OXR1: variants seen among roughly 807,000 people sequenced by gnomAD.
The protein encoded by OXR1 is oxidation resistance 1, also known as oxidation resistance protein 1.
OXR1 carries 41 observed loss-of-function variants against 104.6 expected under a neutral mutation model. The observed-to-expected ratio is 0.39, with a 90% CI of 0.31 to 0.51. The LOEUF (loss-of-function observed/expected upper bound fraction) is 0.51. OXR1 is among the 20% of genes least tolerant of loss of function. The pLI, the probability that OXR1 is intolerant of heterozygous loss-of-function variation, is 0.77. For missense variants in OXR1, 955 were observed against 1,031.9 expected, an observed-to-expected ratio of 0.93 and a Z score of 1.02; for synonymous variants, 348 against 348.4, an observed-to-expected ratio of 1.00 and a Z score of 0.01.
chr8:106,674,607 A>G (rs1050400484), intron 3 of OXR1, among the ~76,000 whole-genome samples: 2 of 152,074 alleles, frequency 1.3e-5, no homozygotes, highest in African/African-American at 4.8e-5. Flanking sequence ...GGGAGGGGCC[A>G]GGGGCAGAAT....
At chr8:106,275,423 A>C (rs1461611933) in intron 1 of OXR1, among the ~76,000 whole-genome samples, 1 of 152,174 alleles carries the variant, frequency 6.6e-6, no homozygotes, top group Non-Finnish European at 1.5e-5. Context: ...TGGTAGTTAG[A>C]GGAAGCAGAA....
intron 2 of OXR1, among the ~76,000 whole-genome samples, chr8:106,434,170 A>T (rs190086169): frequency 6.6e-6 from 1 of 152,118 alleles, no homozygotes; most frequent in African/African-American, 2.4e-5. Context: ...AATGTTACCC[A>T]TGATTAAATT....
intron 15 of OXR1, among the ~76,000 whole-genome samples, chr8:106,745,198 C>G (rs1049063643): frequency 6.6e-6 from 1 of 151,950 alleles, no homozygotes; most frequent in Non-Finnish European, 1.5e-5. Flanking sequence ...GGTAAAACAC[C>G]CATAAAAGGT....
intron 2 of OXR1, among the ~76,000 whole-genome samples, chr8:106,488,505 A>G (rs1810849390): frequency 6.6e-6 from 1 of 152,166 alleles, no homozygotes; most frequent in African/African-American, 2.4e-5. Context: ...GCCCATGGCT[A>G]TGTCCTGAAT....
At chr8:106,399,812 G>T (rs996100901) in intron 2 of OXR1, among the ~76,000 whole-genome samples, 11 of 152,150 alleles carry the variant, frequency 7.2e-5, no homozygotes, top group Non-Finnish European at 1.5e-5. Context: ...GTAAAGTCAG[G>T]TTTGAACTCA....
chr8:106,416,245 G>A (rs944595154), intron 2 of OXR1, among the ~76,000 whole-genome samples: 28 of 152,230 alleles, frequency 1.8e-4, no homozygotes, highest in Middle Eastern at 6.8e-3. Flanking sequence ...CATGGGATCA[G>A]ATCACGGCTA....
intron 2 of OXR1, among the ~76,000 whole-genome samples, chr8:106,516,693 T>G (rs1812885333): frequency 6.6e-6 from 1 of 152,208 alleles, no homozygotes; most frequent in African/African-American, 2.4e-5. Flanking sequence ...ATCTTCATTG[T>G]AAATGAATAC....
intron 2 of OXR1, among the ~76,000 whole-genome samples, chr8:106,404,727 A>G (rs1298813622): frequency 2.0e-5 from 3 of 150,932 alleles, no homozygotes; most frequent in Non-Finnish European, 4.4e-5. Context: ...TTTTTTTGAG[A>G]CAGAGTCTCA....
chr8:106,628,188 G>A (rs1367891096), intron 3 of OXR1, among the ~76,000 whole-genome samples: 2 of 152,018 alleles, frequency 1.3e-5, no homozygotes, highest in Non-Finnish European at 2.9e-5. Context: ...TGTTTTCTGT[G>A]TCCTTTTCCC....
chr8:106,728,489 G>C (rs558962456), intron 11 of OXR1, among the ~76,000 whole-genome samples: 3 of 152,024 alleles, frequency 2.0e-5, no homozygotes, highest in Non-Finnish European at 4.4e-5. Context: ...TGTTTTATAA[G>C]TGAGTTAATT....
chr8:106,534,105 G>C (rs960587834), intron 3 of OXR1, among the ~76,000 whole-genome samples: 113 of 152,092 alleles, frequency 7.4e-4, no homozygotes, highest in Non-Finnish European at 1.1e-3. Context: ...AATGTGCACG[G>C]GGGATCTTAC....
At chr8:106,649,070 T>C (rs1824321682) in intron 3 of OXR1, among the ~76,000 whole-genome samples, 1 of 152,096 alleles carries the variant, frequency 6.6e-6, no homozygotes, top group Admixed American at 6.6e-5. Context: ...TTGGGTGTGA[T>C]AGCATGTGCC....
At chr8:106,393,256 C>A (rs2130449913) in intron 2 of OXR1, among the ~76,000 whole-genome samples, 1 of 152,280 alleles carries the variant, frequency 6.6e-6, no homozygotes, top group East Asian at 1.9e-4. Context: ...TAAGTCAACA[C>A]AAATTTCCTA....
At chr8:106,454,683 C>A (rs2130627729) in intron 2 of OXR1, among the ~76,000 whole-genome samples, 1 of 152,122 alleles carries the variant, frequency 6.6e-6, no homozygotes, top group South Asian at 2.1e-4. Context: ...TATTAATTGT[C>A]TTATTCGTGG....
intron 2 of OXR1, among the ~76,000 whole-genome samples, chr8:106,433,778 A>G (rs951229467): frequency 6.6e-6 from 1 of 152,320 alleles, no homozygotes; most frequent in Non-Finnish European, 1.5e-5. Context: ...CACACAGTTT[A>G]TTGATCCATT....
At chr8:106,533,891 T>G (rs923225494) in intron 3 of OXR1, among the ~76,000 whole-genome samples, 3 of 152,026 alleles carry the variant, frequency 2.0e-5, no homozygotes, top group Non-Finnish European at 2.9e-5. Context: ...TTGAATTTTT[T>G]TAGTAGAGAC....
chr8:106,669,226 A>G, intron 3 of OXR1, among the ~76,000 whole-genome samples: 1 of 152,210 alleles, frequency 6.6e-6, no homozygotes, highest in East Asian at 1.9e-4. Context: ...AAGCCCATCA[A>G]ATTTGCCATT....
intron 2 of OXR1, among the ~76,000 whole-genome samples, chr8:106,518,249 T>A (rs1417049422): frequency 6.6e-6 from 1 of 152,206 alleles, no homozygotes; most frequent in African/African-American, 2.4e-5. Flanking sequence ...CAAGGGCCAA[T>A]AGTAAATTGG....
At chr8:106,500,461 A>G (rs1435834905) in intron 2 of OXR1, among the ~76,000 whole-genome samples, 1 of 152,206 alleles carries the variant, frequency 6.6e-6, no homozygotes, top group African/African-American at 2.4e-5. Flanking sequence ...CCCCTGTCAC[A>G]TACCCCTTGC....
Sources: allele counts gnomAD v4.1 joint callset (sites outside exome capture counted in the v4.1 genomes callset), GRCh38; gene constraint gnomAD v4.1.1; transcripts MANE v1.5; gene names NCBI Gene and HGNC (gene_info 2026-07-23, HGNC 2026-07-21).